The following RGS10 variants were observed in gnomAD, a reference collection of about 807,000 sequenced individuals.
RGS10 encodes the protein regulator of G protein signaling 10.
Under a neutral mutation model 23.5 loss-of-function variants are expected in RGS10, and 11 were observed. The observed-to-expected ratio is 0.47, with a 90% CI of 0.29 to 0.77. The LOEUF is 0.77. RGS10 is among the 30% of genes least tolerant of loss of function. The probability of loss-of-function intolerance (pLI) is 0.08; values close to 1 mark genes in which losing one functional copy is unlikely to be tolerated. For synonymous variants in RGS10, 77 were observed against 83.2 expected (o/e 0.92, Z 0.41); for missense variants, 180 against 226.3 (o/e 0.80, Z 1.31).
intron 1 of RGS10, among the ~76,000 whole-genome samples, chr10:119,539,636 G>A (rs1844419577): frequency 6.6e-6 from 1 of 152,172 alleles, no homozygotes; most frequent in African/African-American, 2.4e-5. Context: ...GTCTGGGCAA[G>A]GCCTGAGAAG....
chr10:119,536,318 G>A, intron 1 of RGS10: 2 of 614,874 alleles, frequency 3.3e-6, no homozygotes, highest in East Asian at 3.1e-5. Context: ...GGGACTCACA[G>A]AAAGCCAAGT....
intron 3 of RGS10, among the ~76,000 whole-genome samples, chr10:119,525,683 T>G (rs1844266067): frequency 6.6e-6 from 1 of 152,238 alleles, no homozygotes; most frequent in Non-Finnish European, 1.5e-5. Flanking sequence ...TCATTACACA[T>G]CTGCGTATCG....
chr10:119,538,233 A>G lies in RGS10; in HGVS notation c.49+4357T>C, dbSNP rs1844406959. Among the ~76,000 whole-genome samples, 1 of 152,206 alleles carries G rather than the reference A, an allele frequency of 6.6e-6. No individual in the cohort carries two copies. Among genetic ancestry groups the G allele is most frequent in the African/African-American group, 2.4e-5 (1 of 41,438 alleles). The stretch of plus-strand genomic sequence containing the variant: ...CACATTCATTCTCTAAATATATTTT[A>G]GCAAAGTCGCTAAATGGTTGTTGTG... On this transcript the variant is annotated intron_variant, in intron 1 of 4. Coordinates refer to ENST00000369103, the MANE Select transcript of RGS10 (RefSeq NM_001005339.2). This position sits in a 1 kb window ranked among gnomAD's most constrained non-coding sequence, Gnocchi z 4.5.
intron 4 of RGS10, among the ~76,000 whole-genome samples, chr10:119,506,763 C>T (rs1024676920): frequency 3.9e-5 from 6 of 152,124 alleles, no homozygotes; most frequent in Non-Finnish European, 7.4e-5. Flanking sequence ...TGCAGCGGCG[C>T]GATCTCAGCT....
At chr10:119,508,148 C>A (rs535597500) in intron 4 of RGS10, among the ~76,000 whole-genome samples, 1 of 152,034 alleles carries the variant, frequency 6.6e-6, no homozygotes, top group Non-Finnish European at 1.5e-5. Flanking sequence ...CAGGCGTGCA[C>A]CACCATGTCC....
rs1844407716 is a variant in RGS10, at chr10:119,538,291, G to C, written c.49+4299C>G. ...GGCCGTGGACTTGGGTCCAAGACTT[G>C]AGTTCTCTGCCCCTTCAGAAATGGG... On this transcript the variant is annotated intron_variant, in intron 1 of 4. Coordinates refer to ENST00000369103, the MANE Select transcript of RGS10 (RefSeq NM_001005339.2). The surrounding 1 kb of genome is among the most constrained non-coding windows in gnomAD (Gnocchi z 4.5). Among the ~76,000 whole-genome samples, 1 of 152,234 alleles carries C rather than the reference G, an allele frequency of 6.6e-6. No individual in the cohort carries two copies. The highest frequency in any genetic ancestry group is 2.4e-5 in the African/African-American group (1 of 41,464).
intron 4 of RGS10, among the ~76,000 whole-genome samples, chr10:119,508,760 T>A (rs372115506): frequency 6.6e-6 from 1 of 152,206 alleles, no homozygotes; most frequent in East Asian, 1.9e-4. Flanking sequence ...AATTTTCTTT[T>A]CTTTATCTTA....
At chr10:119,541,767 GC>G (rs1260994125) in intron 1 of RGS10, among the ~76,000 whole-genome samples, 1 of 152,198 alleles carries the variant, frequency 6.6e-6, no homozygotes, top group Non-Finnish European at 1.5e-5. Flanking sequence ...ACCTAACAGC[GC>G]CTGGCTTCCG....
At position 119,514,700 on chromosome 10, in the gene RGS10, G is replaced by A. The variant is rs117365431; in HGVS notation, c.399+809C>T. On this transcript the variant is annotated intron_variant, in intron 4 of 4. Coordinates refer to ENST00000369103, the MANE Select transcript of RGS10 (RefSeq NM_001005339.2). ...AGAACAAAAACACAGAACCAAAAGC[G>A]AAATGGTAGTTAGTGTTGTCATTAC... Among the ~76,000 whole-genome samples, 37 of 149,802 alleles carry A rather than the reference G, an allele frequency of 2.5e-4. 1 individual carries two copies. The East Asian group carries it at 7.2e-3, about 29-fold the overall frequency.
At chr10:119,501,540 T>C (rs544157846) in intron 4 of RGS10, among the ~76,000 whole-genome samples, 5 of 152,146 alleles carry the variant, frequency 3.3e-5, no homozygotes, top group East Asian at 1.9e-4. Context: ...CTGGCCAATA[T>C]GGTGAAACCC....
chr10:119,525,953 C>A, intron 3 of RGS10, 79 bp downstream of exon 3: 3 of 711,506 alleles, frequency 4.2e-6, no homozygotes, highest in Non-Finnish European at 7.0e-6. Context: ...AATCAGGTTT[C>A]TTTAGGCAAC....
chr10:119,537,825 T>C (rs1844403468), intron 1 of RGS10, among the ~76,000 whole-genome samples: 1 of 152,132 alleles, frequency 6.6e-6, no homozygotes, highest in Non-Finnish European at 1.5e-5. Flanking sequence ...TTGGGTTGCT[T>C]GTTTTGCTTT....
Position 119,499,868 on chromosome 10 carries a change from G to T in RGS10, c.*245C>A. On this transcript the variant is annotated 3_prime_UTR_variant, in exon 5 of 5. Transcript: ENST00000369103. ...TTAATTAAGCTACAAAATGCTCGAC[G>T]TGTCCAGTGTTGAAGGAATCTCTGT... 1 of 407,172 alleles carries T rather than the reference G, an allele frequency of 2.5e-6. No homozygotes were observed. Among genetic ancestry groups the T allele is most frequent in the Non-Finnish European group, 4.4e-6 (1 of 228,650 alleles). 25.2% of individuals were successfully genotyped at this position (407,172 alleles called of 1,614,324 possible).
chr10:119,511,695 T>C (rs1180776161), intron 4 of RGS10, among the ~76,000 whole-genome samples: 1 of 152,114 alleles, frequency 6.6e-6, no homozygotes, highest in Non-Finnish European at 1.5e-5. Context: ...TCAATTTCAC[T>C]TCTACTTGAT....
chr10:119,514,664 A>G (rs1210746176), intron 4 of RGS10, among the ~76,000 whole-genome samples: 2 of 151,710 alleles, frequency 1.3e-5, no homozygotes, highest in African/African-American at 4.8e-5. Context: ...TATTAAAAAA[A>G]AAAAAAAAAA....
At chr10:119,507,090 T>C (rs1844022662) in intron 4 of RGS10, among the ~76,000 whole-genome samples, 2 of 152,092 alleles carry the variant, frequency 1.3e-5, no homozygotes, top group Non-Finnish European at 2.9e-5. Flanking sequence ...ATGGCTACGG[T>C]GTACACAGAC....
At chr10:119,508,158 C>T (rs1220589511) in intron 4 of RGS10, among the ~76,000 whole-genome samples, 6 of 151,950 alleles carry the variant, frequency 3.9e-5, no homozygotes, top group Non-Finnish European at 5.9e-5. Flanking sequence ...CCACCATGTC[C>T]GGCTAATTTT....
chr10:119,536,857 C>G (rs933092606), intron 1 of RGS10, among the ~76,000 whole-genome samples: 18 of 152,182 alleles, frequency 1.2e-4, no homozygotes, highest in Non-Finnish European at 2.2e-4. Flanking sequence ...TGCCCTCACC[C>G]TCCTACTCTG....
chr10:119,515,547 C>T lies in RGS10; in HGVS notation c.361G>A (p.Glu121Lys), dbSNP rs1267735878. Residue 121 changes from glutamate (E) to lysine (K), a missense_variant, in exon 4 of 5, where the codon GAA becomes AAA. Coordinates refer to ENST00000369103, the MANE Select transcript of RGS10 (RefSeq NM_001005339.2). ...QSRLNEKILE[E>K]PHPLMFQKLQ... ...TTCTGGAACATCAGAGGGTGCGGTT[C>T]TTCCAGGATCTTCTCGTTGAGCCGA... The T allele has an allele frequency of 6.2e-7, 1 of 1,614,094 alleles. No individual in the cohort carries two copies. Among genetic ancestry groups the T allele is most frequent in the African/African-American group, 1.3e-5 (1 of 74,926 alleles).
Sources: gnomAD v4.1 joint callset for allele counts (sites outside exome capture counted in the v4.1 genomes callset) on GRCh38, gnomAD v4.1.1 for gene constraint, Gnocchi (gnomAD v3.1) non-coding constraint, MANE v1.5 for transcripts, NCBI Gene and HGNC (gene_info 2026-07-23, HGNC 2026-07-21) for gene names.